Variants in ANKRD13C observed in about 807,000 individuals in gnomAD.
ANKRD13C encodes the protein ankyrin repeat domain-containing protein 13C.
In ANKRD13C, 16 loss-of-function variants were observed where a neutral mutation model predicts 65.5. That is an observed-to-expected ratio of 0.24 (90% confidence interval 0.17 to 0.37). The LOEUF (loss-of-function observed/expected upper bound fraction) is 0.37. Ranked by LOEUF, ANKRD13C falls within the 10% of genes least tolerant of loss-of-function variation. ANKRD13C has a pLI of 1.00. For missense variants in ANKRD13C, 503 were observed against 655.9 expected, an observed-to-expected ratio of 0.77 and a Z score of 2.55; for synonymous variants, 235 against 238.7, an observed-to-expected ratio of 0.98 and a Z score of 0.14.
At chr1:70,352,163 C>T (rs1682767800) in intron 1 of ANKRD13C, among the ~76,000 whole-genome samples, 1 of 151,806 alleles carries the variant, frequency 6.6e-6, no homozygotes, top group South Asian at 2.1e-4. Context: ...CACAGTGAAA[C>T]CCCGTCTCTA....
At chr1:70,278,145 T>C (rs983603132) in intron 9 of ANKRD13C, among the ~76,000 whole-genome samples, 26 of 150,534 alleles carry the variant, frequency 1.7e-4, no homozygotes, top group Admixed American at 1.6e-3. Flanking sequence ...GCCATGATTA[T>C]GCCACTGCAC....
intron 9 of ANKRD13C, among the ~76,000 whole-genome samples, chr1:70,285,242 G>C (rs1250940605): frequency 6.8e-6 from 1 of 147,114 alleles, no homozygotes; most frequent in African/African-American, 2.6e-5. Context: ...GCCCAGGCTG[G>C]AGTGCAGTAG....
intron 2 of ANKRD13C, among the ~76,000 whole-genome samples, chr1:70,327,040 T>C (rs1007116626): frequency 1.3e-5 from 2 of 151,936 alleles, no homozygotes; most frequent in Non-Finnish European, 2.9e-5. Flanking sequence ...AAGGTCTTTA[T>C]TGAATGCTAA....
chr1:70,288,713 A>T (rs1001436651), intron 9 of ANKRD13C, among the ~76,000 whole-genome samples: 1 of 152,212 alleles, frequency 6.6e-6, no homozygotes, highest in African/African-American at 2.4e-5. Flanking sequence ...AGAACAGATT[A>T]GTGATTGCCA....
At chr1:70,328,112 T>C (rs1192516855) in intron 2 of ANKRD13C, among the ~76,000 whole-genome samples, 1 of 151,870 alleles carries the variant, frequency 6.6e-6, no homozygotes, top group African/African-American at 2.4e-5. Flanking sequence ...CATAAAAAGA[T>C]AAAATATGAA....
At chr1:70,266,060 T>C (rs922885694) in intron 12 of ANKRD13C, among the ~76,000 whole-genome samples, 5 of 152,054 alleles carry the variant, frequency 3.3e-5, no homozygotes, top group Non-Finnish European at 7.4e-5. Context: ...TAGTAAAACA[T>C]GATGAATATT....
In ANKRD13C at chr1:70,270,665, C is replaced by T. The variant is rs147238047; in HGVS notation, c.1495+191G>A. Among the ~76,000 whole-genome samples, 653 of 152,248 alleles carry T rather than the reference C, an allele frequency of 4.3e-3. 5 individuals carry two copies. The highest frequency in any genetic ancestry group is 0.015 in the African/African-American group (639 of 41,550). ...ATGCCACCACTGATCTGACAGGAGG[C>T]AGAGCTCAGGCGGCAATGCTCACTA... On this transcript the variant is annotated intron_variant, in intron 12 of 12. Transcript: ENST00000370944.
At chr1:70,343,737 T>G (rs558972236) in intron 1 of ANKRD13C, among the ~76,000 whole-genome samples, 1 of 152,280 alleles carries the variant, frequency 6.6e-6, no homozygotes, top group African/African-American at 2.4e-5. Flanking sequence ...TTAGCAAAAC[T>G]ATGTTGGCCA....
At chr1:70,292,317 A>G in intron 9 of ANKRD13C, 71 bp downstream of exon 9, 1 of 1,219,626 alleles carries the variant, frequency 8.2e-7, no homozygotes, top group Non-Finnish European at 1.1e-6. Context: ...TACTTACTGA[A>G]TGCCACCAAG....
intron 7 of ANKRD13C, among the ~76,000 whole-genome samples, chr1:70,297,211 C>T (rs1680118412): frequency 6.6e-6 from 1 of 151,468 alleles, no homozygotes; most frequent in Non-Finnish European, 1.5e-5. Context: ...TCCAAACCTC[C>T]TTATTTCTAG....
At chr1:70,304,004 T>C (rs932938549) in intron 6 of ANKRD13C, among the ~76,000 whole-genome samples, 3 of 152,144 alleles carry the variant, frequency 2.0e-5, no homozygotes, top group Non-Finnish European at 4.4e-5. Context: ...TTTCTCACAA[T>C]TTTTCTCCCC....
chr1:70,326,062 T>A (rs1035865501), intron 2 of ANKRD13C, among the ~76,000 whole-genome samples: 16 of 150,802 alleles, frequency 1.1e-4, no homozygotes, highest in Middle Eastern at 3.4e-3. Context: ...AGAAACCCCA[T>A]CTCTACTAAA....
At chr1:70,344,548 G>A (rs1682449764) in intron 1 of ANKRD13C, among the ~76,000 whole-genome samples, 1 of 151,906 alleles carries the variant, frequency 6.6e-6, no homozygotes, top group African/African-American at 2.4e-5. Flanking sequence ...GCACTATGCT[G>A]TATATTTCTG....
intron 1 of ANKRD13C, among the ~76,000 whole-genome samples, chr1:70,352,203 G>A (rs1052703122): frequency 6.6e-6 from 1 of 151,962 alleles, no homozygotes; most frequent in African/African-American, 2.4e-5. Context: ...AGCCTGGCGC[G>A]GTGGTGGGCG....
rs555703814 is a variant in ANKRD13C at position 70,330,103 on chromosome 1, A to C, written c.473-5146T>G. Among the ~76,000 whole-genome samples, 8 of 152,064 alleles carry C rather than the reference A, an allele frequency of 5.3e-5. No homozygotes were observed. In the East Asian group the frequency reaches 1.2e-3, roughly 22 times the overall value. ...TATTCCGTCTCAAAAAAAAAAAAAA[A>C]CAACCAGATCAATCGAATGTCTTCT... On this transcript the variant is annotated intron_variant, in intron 2 of 12. Transcript: ENST00000370944.
At chr1:70,321,420 C>T (rs1572132317) in intron 3 of ANKRD13C, among the ~76,000 whole-genome samples, 1 of 152,140 alleles carries the variant, frequency 6.6e-6, no homozygotes, top group African/African-American at 2.4e-5. Flanking sequence ...TGTAAGATGG[C>T]AAACCAATAT....
chr1:70,354,692 A>G lies in ANKRD13C; in HGVS notation c.-284T>C. On this transcript the variant is annotated 5_prime_UTR_variant, in exon 1 of 13. Coordinates refer to ENST00000370944, the MANE Select transcript of ANKRD13C (RefSeq NM_030816.5). ...AGCCGCCGTCGCTGCCTTACACCGAAAAACAGGGCACGGCCATCTTCCTCT... is the reference window on the plus strand; with the variant it reads ...AGCCGCCGTCGCTGCCTTACACCGAGAAACAGGGCACGGCCATCTTCCTCT... The G allele has an allele frequency of 1.3e-6, 1 of 763,452 alleles. No homozygotes were observed. The highest frequency in any genetic ancestry group is 2.0e-6 in the Non-Finnish European group (1 of 488,500). 47.3% of individuals were successfully genotyped at this position (763,452 alleles called of 1,614,324 possible).
intron 9 of ANKRD13C, among the ~76,000 whole-genome samples, chr1:70,278,598 C>A (rs1679246718): frequency 6.6e-6 from 1 of 151,836 alleles, no homozygotes; most frequent in South Asian, 2.1e-4. Flanking sequence ...CCTAACAGGA[C>A]TATGGAGCAA....
chr1:70,286,822 C>T (rs919128548), intron 9 of ANKRD13C, among the ~76,000 whole-genome samples: 1 of 152,062 alleles, frequency 6.6e-6, no homozygotes, highest in African/African-American at 2.4e-5. Context: ...CCTGTCTCCA[C>T]TAAAAATACA....
Sources: allele counts gnomAD v4.1 joint callset (sites outside exome capture counted in the v4.1 genomes callset), GRCh38; gene constraint gnomAD v4.1.1; transcripts MANE v1.5; gene names NCBI Gene and HGNC (gene_info 2026-07-23, HGNC 2026-07-21).